Variants in SYNE1 observed in about 807,000 individuals in gnomAD.
SYNE1 encodes spectrin repeat containing nuclear envelope protein 1, also known as nesprin-1.
Under a neutral mutation model 1,111.0 loss-of-function variants are expected in SYNE1, and 616 were observed. The observed-to-expected ratio is 0.55, with a 90% CI of 0.52 to 0.59. SYNE1 has a LOEUF of 0.59. SYNE1 is among the 20% of genes least tolerant of loss of function. SYNE1 has a pLI of 0.00. For missense variants in SYNE1, 10,006 were observed against 10,417.0 expected (o/e 0.96, Z 1.72); for synonymous variants, 3,855 against 3,825.8 (o/e 1.01, Z -0.28).
In SYNE1 at chr6:152,358,358, T is replaced by C; in HGVS notation, c.10608+15A>G. On this transcript the variant is annotated intron_variant, in intron 66 of 145. Transcript: ENST00000367255. ...GAATGAAGATTCCTTTGTTTTAGGA[T>C]AAAGGAGGCCTTACCTGAAGATCAC... is the stretch of plus-strand genomic sequence containing the variant. 1 of 1,614,110 alleles carries C rather than the reference T, an allele frequency of 6.2e-7. No homozygotes were observed. The highest frequency in any genetic ancestry group is 8.5e-7 in the Non-Finnish European group (1 of 1,179,954).
chr6:152,191,608 A>AT (rs1336359434), intron 127 of SYNE1, among the ~76,000 whole-genome samples: 2 of 152,046 alleles, frequency 1.3e-5, no homozygotes, highest in Non-Finnish European at 2.9e-5. Flanking sequence ...TTTCTGTGGT[A>AT]TTGGTTGTAA....
chr6:152,521,198 A>C (rs963489306), intron 5 of SYNE1, among the ~76,000 whole-genome samples: 6 of 152,162 alleles, frequency 3.9e-5, no homozygotes. Context: ...TCATCATATC[A>C]TTGCCTTTCA....
intron 29 of SYNE1, among the ~76,000 whole-genome samples, chr6:152,446,214 C>T (rs965943090): frequency 6.7e-6 from 1 of 149,798 alleles, no homozygotes; most frequent in African/African-American, 2.5e-5. Context: ...TTCATGTACA[C>T]TAACTTTTTA....
intron 6 of SYNE1, among the ~76,000 whole-genome samples, chr6:152,511,935 T>C (rs1221057370): frequency 1.3e-5 from 2 of 152,146 alleles, no homozygotes; most frequent in Non-Finnish European, 2.9e-5. Flanking sequence ...CTCATTCAAT[T>C]TCTATAGCCT....
At position 152,180,590 on chromosome 6, in the gene SYNE1, A is replaced by G. The variant is rs113406915; in HGVS notation, c.23302-296T>C. Among the ~76,000 whole-genome samples, 369 of 152,260 alleles carry G rather than the reference A, an allele frequency of 2.4e-3. 4 individuals carry two copies. The highest frequency in any genetic ancestry group is 8.5e-3 in the African/African-American group (355 of 41,558). On this transcript the variant is annotated intron_variant, in intron 128 of 145. Coordinates refer to ENST00000367255, the MANE Select transcript of SYNE1 (RefSeq NM_182961.4). ...CCAGTGAATGTAAAAAAGAAAGAAGAAATGGAAAAGAGTAGGGAAAGAAGA... is the reference window on the plus strand; with the variant it reads ...CCAGTGAATGTAAAAAAGAAAGAAGGAATGGAAAAGAGTAGGGAAAGAAGA...
At chr6:152,291,284 A>T (rs926724340) in intron 95 of SYNE1, among the ~76,000 whole-genome samples, 1 of 147,090 alleles carries the variant, frequency 6.8e-6, no homozygotes, top group Admixed American at 6.9e-5. Context: ...TTATATTAAT[A>T]TGATATATTA....
At position 152,231,802 on chromosome 6, in the gene SYNE1, G is replaced by GTATA. The variant is rs10668582; in HGVS notation, c.20863-239_20863-236dup. Among the ~76,000 whole-genome samples, 7,193 of 149,590 alleles carry GTATA rather than the reference G, an allele frequency of 0.048. 231 individuals are homozygous for GTATA. The highest frequency in any genetic ancestry group is 0.14 in the East Asian group (691 of 5,076). ...CGTGTGTATGTGTGTGTGTGTGTGT[G>GTATA]TATATATATATTTAGGTAGAAGATT... is the stretch of plus-strand genomic sequence containing the variant. On this transcript the variant is annotated intron_variant, in intron 113 of 145. Coordinates refer to ENST00000367255, the MANE Select transcript of SYNE1 (RefSeq NM_182961.4).
chr6:152,280,949 C>T (rs1017535698), intron 97 of SYNE1, among the ~76,000 whole-genome samples: 4 of 151,978 alleles, frequency 2.6e-5, no homozygotes, highest in Admixed American at 2.6e-4. Flanking sequence ...AAATGGTGTA[C>T]CGTAAATTAA....
chr6:152,628,340 C>G lies in SYNE1; in HGVS notation c.-9G>C. 6.2e-7 allele frequency: 1 copy of G among 1,614,104 alleles called. No homozygotes were observed. On this transcript the variant is annotated 5_prime_UTR_variant, in exon 3 of 146. Coordinates refer to ENST00000367255, the MANE Select transcript of SYNE1 (RefSeq NM_182961.4). ...CCTCTGGAGGTTGCCATGGTCCCTC[C>G]GGAAGCACGAAGCCAACACCAAGAG...
chr6:152,542,286 CAAAACCTTTT>C (rs2099274889), intron 3 of SYNE1, among the ~76,000 whole-genome samples: 1 of 152,064 alleles, frequency 6.6e-6, no homozygotes, highest in Non-Finnish European at 1.5e-5. Flanking sequence ...AAAATAAATA[CAAAACCTTTT>C]AATTTGGAGA....
chr6:152,193,821 C>T (rs552402056), intron 127 of SYNE1, among the ~76,000 whole-genome samples: 6 of 151,984 alleles, frequency 3.9e-5, no homozygotes, highest in Admixed American at 3.3e-4. Context: ...ACCATCCTGA[C>T]TAACACGGTG....
At chr6:152,279,864 T>C (rs933142278) in intron 97 of SYNE1, among the ~76,000 whole-genome samples, 3 of 152,148 alleles carry the variant, frequency 2.0e-5, no homozygotes, top group African/African-American at 7.2e-5. Flanking sequence ...CAGGGTTGAT[T>C]TTACCATTAG....
At chr6:152,145,165 C>T (rs1260404501) in intron 137 of SYNE1, 1 of 379,944 alleles carries the variant, frequency 2.6e-6, no homozygotes, top group Non-Finnish European at 5.1e-6. Context: ...TACCACACCA[C>T]GTAGAACACT....
At chr6:152,480,295 C>A (rs1414230560) in intron 14 of SYNE1, among the ~76,000 whole-genome samples, 3 of 151,992 alleles carry the variant, frequency 2.0e-5, no homozygotes, top group East Asian at 1.9e-4. Flanking sequence ...CTGAGGCAGG[C>A]GGATCACTTG....
chr6:152,363,208 A>T (rs1346231186), intron 63 of SYNE1, among the ~76,000 whole-genome samples: 20 of 144,902 alleles, frequency 1.4e-4, no homozygotes, highest in Admixed American at 1.1e-3. Flanking sequence ...AAATTTCATT[A>T]ATCAGGCCGG....
chr6:152,256,959 G>A (rs563494438), intron 101 of SYNE1, among the ~76,000 whole-genome samples, 194 bp from the exon 102 acceptor site: 1 of 152,186 alleles, frequency 6.6e-6, no homozygotes, highest in African/African-American at 2.4e-5. Context: ...TGTTTCCATG[G>A]ATGGATTTTT....
At chr6:152,403,045 A>C (rs1410007253) in intron 46 of SYNE1, among the ~76,000 whole-genome samples, 2 of 152,192 alleles carry the variant, frequency 1.3e-5, no homozygotes, top group Non-Finnish European at 2.9e-5. Context: ...GAGCAAAAGC[A>C]TAACTGATCA....
intron 3 of SYNE1, among the ~76,000 whole-genome samples, chr6:152,569,333 A>T (rs1469063291): frequency 6.6e-6 from 1 of 152,202 alleles, no homozygotes; most frequent in Non-Finnish European, 1.5e-5. Context: ...CCTTATGGGC[A>T]AGTTATCTAG....
chr6:152,149,057 T>G (rs1213828186), intron 136 of SYNE1, among the ~76,000 whole-genome samples: 1 of 152,252 alleles, frequency 6.6e-6, no homozygotes, highest in Non-Finnish European at 1.5e-5. Context: ...CTGTTCACTT[T>G]GCTTCCTTTT....
Sources: gnomAD v4.1 joint callset for allele counts (sites outside exome capture counted in the v4.1 genomes callset) on GRCh38, gnomAD v4.1.1 for gene constraint, MANE v1.5 for transcripts, NCBI Gene and HGNC (gene_info 2026-07-23, HGNC 2026-07-21) for gene names.